The following LRMDA variants were observed in gnomAD, a reference collection of about 807,000 sequenced individuals.
The protein encoded by LRMDA is leucine rich melanocyte differentiation associated.
In LRMDA, 18 loss-of-function variants were observed where a neutral mutation model predicts 29.8. The ratio of observed to expected loss-of-function variants is 0.60; its 90% CI spans 0.42 to 0.90. LRMDA has a LOEUF of 0.90. LRMDA is among the 40% of genes least tolerant of loss of function. LRMDA has a pLI of 0.00. For missense variants in LRMDA, 273 were observed against 273.9 expected (o/e 1.00, Z 0.02); for synonymous variants, 125 against 109.4 (o/e 1.14, Z -0.89).
At chr10:76,434,865 TG>T (rs1842229382) in intron 6 of LRMDA, among the ~76,000 whole-genome samples, 2 of 152,196 alleles carry the variant, frequency 1.3e-5, no homozygotes, top group Non-Finnish European at 2.9e-5. Context: ...AGTGTCTGCT[TG>T]GCTTTTGAGT....
chr10:75,999,116 A>G (rs1847519580), intron 2 of LRMDA, among the ~76,000 whole-genome samples: 1 of 152,226 alleles, frequency 6.6e-6, no homozygotes, highest in African/African-American at 2.4e-5. Flanking sequence ...GGGAAATAGC[A>G]TGTCACACAG....
chr10:75,795,038 GT>G (rs1843629344), intron 2 of LRMDA, among the ~76,000 whole-genome samples: 1 of 151,700 alleles, frequency 6.6e-6, no homozygotes. Context: ...ATTACCTTGA[GT>G]TTTGGCTTTT....
chr10:76,249,238 T>C (rs1314666190), intron 5 of LRMDA, among the ~76,000 whole-genome samples: 1 of 152,250 alleles, frequency 6.6e-6, no homozygotes, highest in Non-Finnish European at 1.5e-5. Flanking sequence ...TCACCGACTT[T>C]CTTGGCAAAG....
chr10:76,485,814 C>G (rs144883119), intron 6 of LRMDA, among the ~76,000 whole-genome samples: 70 of 151,850 alleles, frequency 4.6e-4, no homozygotes, highest in African/African-American at 1.6e-3. Flanking sequence ...GATAAGACAT[C>G]TACTTTAATT....
intron 6 of LRMDA, among the ~76,000 whole-genome samples, chr10:76,495,835 A>G (rs112595830): frequency 0.031 from 667 of 21,584 alleles, 193 homozygotes; most frequent in Middle Eastern, 0.17. Flanking sequence ...AGAAAATGCA[A>G]TTGATTTGTT....
At chr10:76,494,064 C>A (rs1842859309) in intron 6 of LRMDA, among the ~76,000 whole-genome samples, 1 of 151,874 alleles carries the variant, frequency 6.6e-6, no homozygotes, top group Non-Finnish European at 1.5e-5. Context: ...CCAGAAGATT[C>A]TTTTGTACAT....
At chr10:75,862,971 T>C (rs1844958069) in intron 2 of LRMDA, among the ~76,000 whole-genome samples, 1 of 152,186 alleles carries the variant, frequency 6.6e-6, no homozygotes. Flanking sequence ...TTAATTTTCT[T>C]ATAATTCTTT....
At chr10:75,794,945 A>ATT (rs71024565) in intron 2 of LRMDA, among the ~76,000 whole-genome samples, 4 of 147,524 alleles carry the variant, frequency 2.7e-5, no homozygotes, top group South Asian at 2.1e-4. Flanking sequence ...CCTATTTATC[A>ATT]TTTTTTTTTT....
intron 6 of LRMDA, among the ~76,000 whole-genome samples, chr10:76,518,502 A>G (rs766400831): frequency 1.4e-4 from 21 of 152,238 alleles, no homozygotes; most frequent in South Asian, 1.0e-3. Flanking sequence ...ATTTCATCAT[A>G]CCTAAGATAC....
chr10:76,190,973 AC>A (rs1268860601), intron 5 of LRMDA, among the ~76,000 whole-genome samples: 4 of 152,098 alleles, frequency 2.6e-5, no homozygotes, highest in Non-Finnish European at 4.4e-5. Flanking sequence ...GTTGTATGTA[AC>A]CCCGAGCGGC....
chr10:76,175,514 G>C (rs192395473), intron 5 of LRMDA, among the ~76,000 whole-genome samples: 1 of 152,182 alleles, frequency 6.6e-6, no homozygotes, highest in Non-Finnish European at 1.5e-5. Flanking sequence ...GGTCATTACT[G>C]TTGTTAACAG....
At chr10:75,921,155 GTT>G (rs1418380510) in intron 2 of LRMDA, among the ~76,000 whole-genome samples, 1 of 152,124 alleles carries the variant, frequency 6.6e-6, no homozygotes, top group East Asian at 1.9e-4. Flanking sequence ...TGGAGACCTG[GTT>G]CTTTTGTACT....
At chr10:75,663,168 TG>T (rs1228332963) in intron 2 of LRMDA, among the ~76,000 whole-genome samples, 5 of 152,154 alleles carry the variant, frequency 3.3e-5, no homozygotes, top group Non-Finnish European at 7.4e-5. Context: ...TGGCATTTTT[TG>T]TAGAGGACTC....
At chr10:75,742,836 G>C (rs1418037275) in intron 2 of LRMDA, 1 of 152,248 alleles carries the variant, frequency 6.6e-6, no homozygotes, top group Non-Finnish European at 1.5e-5. Flanking sequence ...TGGGGATTGG[G>C]ATTGTATGGA....
chr10:76,035,546 T>C (rs1008783865), intron 2 of LRMDA, among the ~76,000 whole-genome samples: 1 of 152,226 alleles, frequency 6.6e-6, no homozygotes, highest in Non-Finnish European at 1.5e-5. Flanking sequence ...CTTGAAGTTA[T>C]ATTTATTATT....
chr10:76,004,172 G>T (rs1410253592), intron 2 of LRMDA, among the ~76,000 whole-genome samples: 1 of 152,126 alleles, frequency 6.6e-6, no homozygotes, highest in Non-Finnish European at 1.5e-5. Context: ...TAATTTTTAA[G>T]GTGCTTTGCT....
At chr10:75,815,415 A>C (rs539196191) in intron 2 of LRMDA, among the ~76,000 whole-genome samples, 1 of 152,300 alleles carries the variant, frequency 6.6e-6, no homozygotes, top group South Asian at 2.1e-4. Context: ...CAATATTTCC[A>C]GTTCCCCTCT....
At chr10:76,187,041 T>C (rs572052151) in intron 5 of LRMDA, among the ~76,000 whole-genome samples, 151 of 152,314 alleles carry the variant, frequency 9.9e-4, no homozygotes, top group African/African-American at 3.5e-3. Context: ...CTTGACATTC[T>C]TCACTACTCC....
chr10:75,984,600 G>A (rs919681692), intron 2 of LRMDA, among the ~76,000 whole-genome samples: 1 of 152,204 alleles, frequency 6.6e-6, no homozygotes, highest in Non-Finnish European at 1.5e-5. Context: ...GGCCCTGTGT[G>A]GGGGACCAAG....
Sources: gnomAD v4.1 joint callset for allele counts (sites outside exome capture counted in the v4.1 genomes callset) on GRCh38, gnomAD v4.1.1 for gene constraint, MANE v1.5 for transcripts, NCBI Gene and HGNC (gene_info 2026-07-23, HGNC 2026-07-21) for gene names.